MALRD1: variants seen among roughly 807,000 people sequenced by gnomAD.
The protein encoded by MALRD1 is MAM and LDL receptor class A domain containing 1.
A neutral mutation model predicts 242.1 loss-of-function variants in MALRD1; 247 were observed. The observed-to-expected ratio is 1.02, with a 90% CI of 0.92 to 1.13. MALRD1 has a LOEUF of 1.13. MALRD1 is among the 50% of genes most tolerant of loss of function. MALRD1 has a pLI of 0.00. For missense variants in MALRD1, 2,989 were observed against 2,533.1 expected (o/e 1.18, Z -3.86); for synonymous variants, 995 against 866.6 (o/e 1.15, Z -2.60).
chr10:19,501,537 TAA>T (rs1323184362), intron 31 of MALRD1, among the ~76,000 whole-genome samples: 1 of 152,208 alleles, frequency 6.6e-6, no homozygotes, highest in East Asian at 1.9e-4. Flanking sequence ...TGCAAAATGT[TAA>T]GATAGTGTGA....
chr10:19,280,419 GGTAA>G (rs1307701832), intron 20 of MALRD1, among the ~76,000 whole-genome samples, 196 bp downstream of exon 20: 1 of 152,128 alleles, frequency 6.6e-6, no homozygotes, highest in Non-Finnish European at 1.5e-5. Context: ...CCCCGTAAGT[GGTAA>G]GTGTCTTTAG....
At chr10:19,096,412 G>A (rs953806017) in intron 4 of MALRD1, among the ~76,000 whole-genome samples, 3 of 152,136 alleles carry the variant, frequency 2.0e-5, no homozygotes, top group African/African-American at 4.8e-5. Context: ...CCCAAAATAC[G>A]TTATTGCTGA....
chr10:19,114,711 A>G (rs927774318), intron 5 of MALRD1, among the ~76,000 whole-genome samples: 2 of 152,194 alleles, frequency 1.3e-5, no homozygotes, highest in Admixed American at 1.3e-4. Flanking sequence ...CAGGGCTAGT[A>G]TATTAGTCTA....
chr10:19,222,975 C>T (rs1837625992), intron 18 of MALRD1, among the ~76,000 whole-genome samples: 1 of 152,082 alleles, frequency 6.6e-6, no homozygotes, highest in African/African-American at 2.4e-5. Context: ...TATTGTGTCG[C>T]TATCTGTGAG....
Position 19,125,178 on chromosome 10 carries a change from T to C in MALRD1, c.943+508T>C, listed in dbSNP as rs554775280. 1.8e-3 allele frequency among the ~76,000 whole-genome samples: 276 copies of C among 152,062 alleles called. 2 individuals are homozygous for C. Among genetic ancestry groups the C allele is most frequent in the African/African-American group, 6.1e-3 (253 of 41,480 alleles). ...CCAGGCTGGTATCAAACTCCTGACC[T>C]CAAGTGATCCACCCACCTTAGCCTC... On this transcript the variant is annotated intron_variant, in intron 7 of 39. Coordinates refer to ENST00000454679, the MANE Select transcript of MALRD1 (RefSeq NM_001142308.3).
At position 19,196,734 on chromosome 10, in the gene MALRD1, C is replaced by T. The variant is rs140028984; in HGVS notation, c.1952-6994C>T. On this transcript the variant is annotated intron_variant, in intron 14 of 39. Coordinates refer to ENST00000454679, the MANE Select transcript of MALRD1 (RefSeq NM_001142308.3). ...AAATTGAGATTCTGTTTCCCTCAAC[C>T]ACCTCCAAACCTGCCTCCCCACAGT... Among the ~76,000 whole-genome samples the T allele has an allele frequency of 3.3e-3, 503 of 152,198 alleles. 1 individual carries two copies. The highest frequency in any genetic ancestry group is 0.011 in the African/African-American group (474 of 41,542).
At chr10:19,196,544 T>G (rs866989206) in intron 14 of MALRD1, among the ~76,000 whole-genome samples, 111 of 151,788 alleles carry the variant, frequency 7.3e-4, no homozygotes, top group Non-Finnish European at 1.4e-3. Flanking sequence ...TTGTTTTTTT[T>G]TTTTTTTTCT....
At chr10:19,513,748 G>GAA (rs35386619) in intron 31 of MALRD1, among the ~76,000 whole-genome samples, 12 of 149,482 alleles carry the variant, frequency 8.0e-5, no homozygotes, top group East Asian at 5.9e-4. Flanking sequence ...CAAAAGAAAA[G>GAA]AAAAAAAAAA....
chr10:19,705,456 A>G (rs1814495893), intron 38 of MALRD1, among the ~76,000 whole-genome samples: 1 of 152,188 alleles, frequency 6.6e-6, no homozygotes. Flanking sequence ...GCCTTCGCCT[A>G]CAAGAAGTAA....
chr10:19,714,660 A>G (rs1215271035), intron 38 of MALRD1, among the ~76,000 whole-genome samples: 3 of 152,120 alleles, frequency 2.0e-5, no homozygotes, highest in Non-Finnish European at 2.9e-5. Context: ...CCCCGTATCA[A>G]TGTGACACAT....
At chr10:19,113,361 A>C (rs1030108434) in intron 5 of MALRD1, among the ~76,000 whole-genome samples, 3 of 152,162 alleles carry the variant, frequency 2.0e-5, no homozygotes, top group African/African-American at 7.2e-5. Context: ...TGAGTTCAGC[A>C]ACGCAGTGTC....
intron 28 of MALRD1, among the ~76,000 whole-genome samples, chr10:19,418,514 T>C (rs960512460): frequency 6.6e-6 from 1 of 152,004 alleles, no homozygotes; most frequent in Non-Finnish European, 1.5e-5. Context: ...AAGGAATGTT[T>C]GTTTTTAGTG....
chr10:19,427,588 T>C (rs1018748010), intron 28 of MALRD1, among the ~76,000 whole-genome samples: 1 of 152,260 alleles, frequency 6.6e-6, no homozygotes, highest in African/African-American at 2.4e-5. Context: ...AAATCTGGGT[T>C]CAATCTCTTA....
chr10:19,350,271 C>CTTTTTTTTTTT (rs202204577), intron 25 of MALRD1, among the ~76,000 whole-genome samples: 1 of 118,480 alleles, frequency 8.4e-6, no homozygotes, highest in Non-Finnish European at 1.7e-5. Context: ...TTCTTTTTTT[C>CTTTTTTTTTTT]TTTTTTTTTT....
intron 18 of MALRD1, among the ~76,000 whole-genome samples, chr10:19,217,156 A>G (rs535806789): frequency 1.3e-5 from 2 of 152,184 alleles, no homozygotes; most frequent in East Asian, 3.9e-4. Context: ...TGATCTTTCT[A>G]AAATGCAAAC....
intron 26 of MALRD1, among the ~76,000 whole-genome samples, chr10:19,372,487 C>G (rs1050776641): frequency 6.1e-5 from 9 of 147,486 alleles, no homozygotes; most frequent in Admixed American, 2.0e-4. Flanking sequence ...TTTTTTTTTG[C>G]AAATGGAGTT....
chr10:19,075,630 A>C (rs1004735922), intron 2 of MALRD1, among the ~76,000 whole-genome samples: 1 of 152,032 alleles, frequency 6.6e-6, no homozygotes, highest in Non-Finnish European at 1.5e-5. Context: ...CATGGAATTG[A>C]ATTCTGCCAA....
rs1837223329 is a variant in MALRD1 at position 19,125,295 on chromosome 10, T to TCCA, written c.943+625_943+626insCCA. On this transcript the variant is annotated intron_variant, in intron 7 of 39. Coordinates refer to ENST00000454679, the MANE Select transcript of MALRD1 (RefSeq NM_001142308.3). ...TTTCTTTCTTTCTTTCTTTCTTTCCTTCCTTCCTTCCTTCCTTCCTTCCTT... is the reference window on the plus strand; with the variant it reads ...TTTCTTTCTTTCTTTCTTTCTTTCCTCCATCCTTCCTTCCTTCCTTCCTTCCTT... Among the ~76,000 whole-genome samples, 5 of 34,958 alleles carry TCCA rather than the reference T, an allele frequency of 1.4e-4. No individual in the cohort carries two copies. The Admixed American group carries it at 1.5e-3, about 10-fold the overall frequency. 22.9% of individuals were successfully genotyped at this position (34,958 alleles called of 152,430 possible).
intron 18 of MALRD1, among the ~76,000 whole-genome samples, chr10:19,225,463 G>A (rs1002994167): frequency 1.3e-5 from 2 of 151,954 alleles, no homozygotes; most frequent in Non-Finnish European, 2.9e-5. Flanking sequence ...TTAAATCAAC[G>A]TTTCTATTCA....
Sources: gnomAD v4.1 joint callset for allele counts (sites outside exome capture counted in the v4.1 genomes callset) on GRCh38, gnomAD v4.1.1 for gene constraint, MANE v1.5 for transcripts, NCBI Gene and HGNC (gene_info 2026-07-23, HGNC 2026-07-21) for gene names.